RNF150: variants seen among roughly 807,000 people sequenced by gnomAD.
RNF150 encodes the protein ring finger protein 150.
A neutral mutation model predicts 39.3 loss-of-function variants in RNF150; 24 were observed. The ratio of observed to expected loss-of-function variants is 0.61; its 90% CI spans 0.44 to 0.86. RNF150 has a LOEUF of 0.86. RNF150 is among the 40% of genes least tolerant of loss of function. RNF150 has a pLI of 0.00. For synonymous variants in RNF150, 255 were observed against 227.3 expected (o/e 1.12, Z -1.10); for missense variants, 502 against 587.8 (o/e 0.85, Z 1.51).
chr4:141,128,250 A>G (rs1383348654), intron 1 of RNF150, among the ~76,000 whole-genome samples: 1 of 152,194 alleles, frequency 6.6e-6, no homozygotes, highest in Non-Finnish European at 1.5e-5. Flanking sequence ...CTACAGATTT[A>G]AACACTGTAC....
At chr4:140,923,357 G>A (rs913423915) in intron 5 of RNF150, among the ~76,000 whole-genome samples, 3 of 152,226 alleles carry the variant, frequency 2.0e-5, no homozygotes, top group Non-Finnish European at 4.4e-5. Context: ...GCAGCCAAAA[G>A]ACACATGAAA....
chr4:140,964,371 A>G (rs1203308935), intron 2 of RNF150, among the ~76,000 whole-genome samples: 1 of 152,086 alleles, frequency 6.6e-6, no homozygotes, highest in African/African-American at 2.4e-5. Context: ...TTAAGGTGAA[A>G]GTAGGTAAAT....
At chr4:141,030,168 T>C (rs1735879583) in intron 1 of RNF150, among the ~76,000 whole-genome samples, 1 of 150,978 alleles carries the variant, frequency 6.6e-6, no homozygotes, top group Non-Finnish European at 1.5e-5. Flanking sequence ...CACTCCAGCC[T>C]GGGCGACAAA....
At chr4:141,180,871 T>C (rs1367303335) in intron 1 of RNF150, among the ~76,000 whole-genome samples, 3 of 152,202 alleles carry the variant, frequency 2.0e-5, no homozygotes, top group African/African-American at 7.2e-5. Context: ...GTAATAAATG[T>C]AGATGTTTAC....
chr4:141,063,583 C>T (rs963959647), intron 1 of RNF150, among the ~76,000 whole-genome samples: 1 of 152,246 alleles, frequency 6.6e-6, no homozygotes, highest in South Asian at 2.1e-4. Context: ...AAACATTGTG[C>T]CACCTTACAT....
At chr4:141,148,294 C>A (rs1413982585) in intron 1 of RNF150, among the ~76,000 whole-genome samples, 1 of 152,092 alleles carries the variant, frequency 6.6e-6, no homozygotes, top group Non-Finnish European at 1.5e-5. Context: ...TTACCCTGGA[C>A]CTAGAATATA....
intron 1 of RNF150, among the ~76,000 whole-genome samples, chr4:141,204,509 A>T (rs1728343020): frequency 6.6e-6 from 1 of 152,190 alleles, no homozygotes; most frequent in Non-Finnish European, 1.5e-5. Context: ...CTAAAGAAGT[A>T]CAAATATTTT....
intron 1 of RNF150, among the ~76,000 whole-genome samples, chr4:141,109,326 C>G (rs1235702613): frequency 6.6e-6 from 1 of 152,122 alleles, no homozygotes; most frequent in East Asian, 1.9e-4. Context: ...AAAACATACT[C>G]TGAGTATCTC....
chr4:141,061,161 G>T (rs1180567305), intron 1 of RNF150, among the ~76,000 whole-genome samples: 4 of 151,440 alleles, frequency 2.6e-5, no homozygotes, highest in African/African-American at 9.7e-5. Context: ...AAAAAAAAAA[G>T]ATATTAAAAA....
chr4:141,115,712 G>A lies in RNF150; in HGVS notation c.484+16613C>T, dbSNP rs150337735. On this transcript the variant is annotated intron_variant, in intron 1 of 6. Coordinates refer to ENST00000515673, the MANE Select transcript of RNF150 (RefSeq NM_020724.2). ...AATCCTAAGCAAAAAGAACAAAGCT[G>A]GAGGCACCATTTTACCTGACCTCAA... is the stretch of plus-strand genomic sequence containing the variant. Among the ~76,000 whole-genome samples the A allele has an allele frequency of 8.6e-3, 1,303 of 152,228 alleles. 9 individuals are homozygous for A. The highest frequency in any genetic ancestry group is 0.024 in the Middle Eastern group (7 of 294).
Position 141,107,017 on chromosome 4 carries a change from G to A in RNF150, c.484+25308C>T, listed in dbSNP as rs559410682. On this transcript the variant is annotated intron_variant, in intron 1 of 6. Coordinates refer to ENST00000515673, the MANE Select transcript of RNF150 (RefSeq NM_020724.2). The stretch of plus-strand genomic sequence containing the variant: ...TTCTTTCACTTGAAAAATATCCAAG[G>A]TTAAGATTCTAAGGCCAATGTCCAA... Among the ~76,000 whole-genome samples the A allele has an allele frequency of 2.7e-3, 409 of 152,008 alleles. 1 individual carries two copies. The highest frequency in any genetic ancestry group is 9.6e-3 in the African/African-American group (398 of 41,466).
chr4:140,997,668 T>C (rs1453390939), intron 1 of RNF150, among the ~76,000 whole-genome samples: 3 of 59,372 alleles, frequency 5.1e-5, no homozygotes, highest in Non-Finnish European at 1.5e-4. Flanking sequence ...TGAGCCAAGA[T>C]TGCGCCACTG....
intron 1 of RNF150, among the ~76,000 whole-genome samples, chr4:141,208,062 A>G (rs1454696413): frequency 1.3e-5 from 2 of 152,272 alleles, no homozygotes; most frequent in Non-Finnish European, 2.9e-5. Flanking sequence ...GATCTCAGTT[A>G]TCTGTGGCAT....
intron 1 of RNF150, among the ~76,000 whole-genome samples, chr4:141,179,023 C>A (rs1727861680): frequency 1.3e-5 from 2 of 151,874 alleles, no homozygotes; most frequent in South Asian, 2.1e-4. Context: ...CTCTTAGGAC[C>A]CTGTTTCTTT....
chr4:140,885,275 A>G (rs967023864), intron 6 of RNF150, among the ~76,000 whole-genome samples: 1 of 142,654 alleles, frequency 7.0e-6, no homozygotes, highest in Non-Finnish European at 1.5e-5. Flanking sequence ...ACCTCAGCTC[A>G]CTGCAACCTC....
In RNF150 at chr4:140,896,688, A is replaced by AAT. The variant is rs1491307954; in HGVS notation, c.1198+14455_1198+14456insAT. Among the ~76,000 whole-genome samples the AAT allele has an allele frequency of 2.1e-3, 27 of 13,102 alleles. No individual in the cohort carries two copies. The South Asian group carries it at 0.048, about 23-fold the overall frequency. 8.6% of individuals were successfully genotyped at this position (13,102 alleles called of 152,430 possible). Reference sequence around the variant, plus strand: ...TGTACCCTAAAACTTAGAGTATAATAAAAAAAAAAAAACAAAAAAACAAAC... The same window carrying AAT: ...TGTACCCTAAAACTTAGAGTATAATAATAAAAAAAAAAAACAAAAAAACAAAC... On this transcript the variant is annotated intron_variant, in intron 6 of 6. Transcript: ENST00000515673.
intron 1 of RNF150, among the ~76,000 whole-genome samples, chr4:141,001,508 A>G (rs1476243693): frequency 6.6e-6 from 1 of 152,158 alleles, no homozygotes; most frequent in Non-Finnish European, 1.5e-5. Flanking sequence ...AAATTGAATG[A>G]CAGGTGGTCT....
At chr4:141,167,133 A>G (rs1337719418) in intron 1 of RNF150, among the ~76,000 whole-genome samples, 1 of 152,168 alleles carries the variant, frequency 6.6e-6, no homozygotes. Context: ...AATCAAAAGC[A>G]TTCATATAGA....
At chr4:140,992,221 G>C (rs1175483174) in intron 1 of RNF150, among the ~76,000 whole-genome samples, 1 of 152,006 alleles carries the variant, frequency 6.6e-6, no homozygotes, top group African/African-American at 2.4e-5. Context: ...TAATTGGGGA[G>C]CCAGGTGTGG....
Sources: allele counts gnomAD v4.1 joint callset (sites outside exome capture counted in the v4.1 genomes callset), GRCh38; gene constraint gnomAD v4.1.1; transcripts MANE v1.5; gene names NCBI Gene and HGNC (gene_info 2026-07-23, HGNC 2026-07-21).